The following FNDC3A variants were observed in gnomAD, a reference collection of about 807,000 sequenced individuals.
FNDC3A encodes fibronectin type-III domain-containing protein 3A.
Under a neutral mutation model 148.9 loss-of-function variants are expected in FNDC3A, and 32 were observed. That is an observed-to-expected ratio of 0.21 (90% CI 0.16 to 0.29). The LOEUF (loss-of-function observed/expected upper bound fraction) is 0.29. FNDC3A is among the 10% of genes least tolerant of loss of function. The pLI is 1.00. For synonymous variants in FNDC3A, 472 were observed against 473.6 expected (o/e 1.00, Z 0.04); for missense variants, 1,191 against 1,452.8 (o/e 0.82, Z 2.93).
At chr13:49,043,610 TA>T (rs1340476739) in intron 2 of FNDC3A, among the ~76,000 whole-genome samples, 8 of 152,230 alleles carry the variant, frequency 5.3e-5, no homozygotes, top group Non-Finnish European at 1.2e-4. Flanking sequence ...ATGATCCTTG[TA>T]ATTTTTTTAA....
chr13:49,153,678 CTTGAA>C (rs1883466912), intron 8 of FNDC3A, among the ~76,000 whole-genome samples: 1 of 147,842 alleles, frequency 6.8e-6, no homozygotes, highest in Non-Finnish European at 1.5e-5. Context: ...TTTAATCCAT[CTTGAA>C]TTGATTTTTG....
At chr13:49,134,801 CTTTTTTTTTTTTT>C (rs528015993) in intron 5 of FNDC3A, among the ~76,000 whole-genome samples, 8 of 6,198 alleles carry the variant, frequency 1.3e-3, no homozygotes, top group Admixed American at 8.4e-3. Context: ...TTTTCTTTTC[CTTTTTTTTTTTTT>C]TTTTTTTTTT....
At chr13:49,143,314 A>G (rs1031897770) in intron 7 of FNDC3A, among the ~76,000 whole-genome samples, 12 of 152,192 alleles carry the variant, frequency 7.9e-5, no homozygotes, top group Non-Finnish European at 1.6e-4. Context: ...GCTTGAGCCT[A>G]GGAGTTCGCA....
At chr13:49,004,135 C>G (rs146271860) in intron 1 of FNDC3A, among the ~76,000 whole-genome samples, 50 of 152,004 alleles carry the variant, frequency 3.3e-4, no homozygotes, top group South Asian at 1.9e-3. Context: ...AAGTGTATAA[C>G]TAAAACTAAG....
At chr13:49,089,407 A>G (rs1327987519) in intron 3 of FNDC3A, among the ~76,000 whole-genome samples, 1 of 152,190 alleles carries the variant, frequency 6.6e-6, no homozygotes, top group Non-Finnish European at 1.5e-5. Context: ...ATTGGGTTAT[A>G]TTGTATTGCA....
At chr13:49,048,499 A>C (rs1339233917) in intron 2 of FNDC3A, among the ~76,000 whole-genome samples, 1 of 152,026 alleles carries the variant, frequency 6.6e-6, no homozygotes, top group Non-Finnish European at 1.5e-5. Flanking sequence ...TTCTTTCAGC[A>C]GTGTTTTATA....
chr13:49,068,512 CAG>C (rs374306072), intron 2 of FNDC3A, among the ~76,000 whole-genome samples: 285 of 152,128 alleles, frequency 1.9e-3, no homozygotes, highest in Admixed American at 3.6e-3. Flanking sequence ...GGGCTGAAAA[CAG>C]AATTACCTTT....
intron 1 of FNDC3A, among the ~76,000 whole-genome samples, chr13:48,987,222 C>G (rs553069599): frequency 6.6e-6 from 1 of 152,332 alleles, no homozygotes; most frequent in African/African-American, 2.4e-5. Flanking sequence ...AGCCTATGTG[C>G]TCCAAAGACA....
chr13:49,001,341 G>A (rs540162902), intron 1 of FNDC3A, among the ~76,000 whole-genome samples: 7 of 152,014 alleles, frequency 4.6e-5, no homozygotes, highest in African/African-American at 4.8e-5. Flanking sequence ...GATGTATGTC[G>A]CCTCAGGACC....
At chr13:49,081,571 G>A (rs1412360736) in intron 3 of FNDC3A, among the ~76,000 whole-genome samples, 1 of 152,090 alleles carries the variant, frequency 6.6e-6, no homozygotes, top group Non-Finnish European at 1.5e-5. Context: ...ACATAATTTT[G>A]TCATAGAGAA....
Position 49,043,038 on chromosome 13 carries a change from C to G in FNDC3A, c.100-32251C>G, listed in dbSNP as rs139170562. On this transcript the variant is annotated intron_variant, in intron 2 of 25. Coordinates refer to ENST00000492622, the MANE Select transcript of FNDC3A (RefSeq NM_001079673.2). ...TGGTACAATCAAGGCTCACTTCAGC[C>G]TTGACCTCCTGGGCTCAAAGAATCC... is the stretch of plus-strand genomic sequence containing the variant. 6.6e-5 allele frequency among the ~76,000 whole-genome samples: 10 copies of G among 152,124 alleles called. No individual in the cohort carries two copies. In the East Asian group the frequency reaches 1.9e-3, roughly 29 times the overall value.
At chr13:49,003,604 T>G (rs536552783) in intron 1 of FNDC3A, among the ~76,000 whole-genome samples, 1 of 152,322 alleles carries the variant, frequency 6.6e-6, no homozygotes, top group East Asian at 1.9e-4. Flanking sequence ...ATATCCTGTT[T>G]AAGAAATCTT....
At chr13:49,013,600 A>G (rs999498672) in intron 2 of FNDC3A, among the ~76,000 whole-genome samples, 1 of 151,658 alleles carries the variant, frequency 6.6e-6, no homozygotes, top group Non-Finnish European at 1.5e-5. Flanking sequence ...GTATAGATGT[A>G]CACGTGTATA....
Position 49,197,762 on chromosome 13 carries a change from G to T in FNDC3A, c.2378G>T (p.Arg793Leu). ...LSNGTDVTEY[R>L]LEWGGVEGSM... ...AATGGAACAGATGTCACTGAATATC[G>T]ACTGGAGTGGGGAGGAGTTGAAGGA... Residue 793 changes from arginine (R) to leucine (L), a missense_variant, in exon 21 of 26, where the codon CGA becomes CTA. Arg to Leu is a moderately radical substitution (Grantham distance 102). This residue lies in a region of FNDC3A where 751 missense variants were observed against 944.0 expected (regional missense o/e 0.80). Coordinates refer to ENST00000492622, the MANE Select transcript of FNDC3A (RefSeq NM_001079673.2). 2.5e-6 allele frequency: 4 copies of T among 1,611,214 alleles called. No homozygotes were observed. The highest frequency in any genetic ancestry group is 1.7e-5 in the Admixed American group (1 of 59,112).
chr13:48,988,094 A>C (rs1455679212), intron 1 of FNDC3A: 1 of 152,246 alleles, frequency 6.6e-6, no homozygotes, highest in Non-Finnish European at 1.5e-5. Context: ...TGCAACAAGA[A>C]GAGCTAACTC....
intron 15 of FNDC3A, 147 bp downstream of exon 15, chr13:49,186,249 T>G (rs929946635): frequency 8.4e-6 from 5 of 592,638 alleles, no homozygotes; most frequent in South Asian, 2.1e-5. Context: ...TTGGGTATGT[T>G]TTTTGTGGAA....
At chr13:49,156,650 G>A (rs576566162) in intron 8 of FNDC3A, among the ~76,000 whole-genome samples, 29 of 151,166 alleles carry the variant, frequency 1.9e-4, no homozygotes, top group African/African-American at 5.8e-4. Context: ...ATTTTGCAGC[G>A]GCTGGTACCA....
chr13:49,140,051 T>C (rs1566277884), intron 7 of FNDC3A, among the ~76,000 whole-genome samples: 1 of 152,194 alleles, frequency 6.6e-6, no homozygotes, highest in Non-Finnish European at 1.5e-5. Flanking sequence ...AAGTATAATT[T>C]TCAGGCCAGG....
intron 8 of FNDC3A, among the ~76,000 whole-genome samples, chr13:49,147,737 G>T (rs1034116519): frequency 3.3e-5 from 5 of 152,032 alleles, no homozygotes; most frequent in Admixed American, 2.6e-4. Flanking sequence ...CCCCTATTTG[G>T]AAAAATACCC....
Sources: gnomAD v4.1 joint callset for allele counts (sites outside exome capture counted in the v4.1 genomes callset) on GRCh38, gnomAD v4.1.1 for gene constraint, gnomAD v4.1.1 regional missense constraint, MANE v1.5 for transcripts, NCBI Gene and HGNC (gene_info 2026-07-23, HGNC 2026-07-21) for gene names.